The following MYO7A variants were observed in gnomAD, a reference collection of about 807,000 sequenced individuals.
MYO7A encodes the protein myosin VIIA.
In MYO7A, 210 loss-of-function variants were observed where a neutral mutation model predicts 263.8. The observed-to-expected ratio is 0.80, with a 90% confidence interval of 0.71 to 0.89. MYO7A has a LOEUF of 0.89. MYO7A is among the 40% of genes least tolerant of loss of function. The probability of loss-of-function intolerance (pLI) is 0.00; values close to 1 mark genes in which losing one functional copy is unlikely to be tolerated. For synonymous variants in MYO7A, 1,239 were observed against 1,197.3 expected (o/e 1.03, Z -0.72); for missense variants, 2,820 against 2,968.3 (o/e 0.95, Z 1.16).
At chr11:77,184,434 G>C (rs1158790469) in intron 26 of MYO7A, among the ~76,000 whole-genome samples, 154 bp from the exon 27 acceptor site, 1 of 152,222 alleles carries the variant, frequency 6.6e-6, no homozygotes, top group Non-Finnish European at 1.5e-5. Context: ...TGCTGTGCAC[G>C]TGGCAGGGGT....
In MYO7A at chr11:77,202,987, T is replaced by C; in HGVS notation, c.5169-73T>C. On this transcript the variant is annotated intron_variant, in intron 37 of 48. Coordinates refer to ENST00000409709, the MANE Select transcript of MYO7A (RefSeq NM_000260.4). ...ACACAGGGATGGGTGGGGGTGGGGG[T>C]CTCACAACCTGGGGGTTTCTCCCCG... The C allele has an allele frequency of 4.0e-6, 6 of 1,506,430 alleles. No individual in the cohort carries two copies. The South Asian group carries it at 6.2e-5, about 16-fold the overall frequency. 93.3% of individuals were successfully genotyped at this position (1,506,430 alleles called of 1,614,324 possible). A position where few individuals can be genotyped will look rare whatever the true frequency, so the allele number is the denominator to read the frequency against.
At chr11:77,210,346 T>G (rs1957779991) in intron 44 of MYO7A, among the ~76,000 whole-genome samples, 1 of 152,118 alleles carries the variant, frequency 6.6e-6, no homozygotes, top group South Asian at 2.1e-4. Context: ...GGATGAATGC[T>G]GAGTGAATTG....
intron 16 of MYO7A, among the ~76,000 whole-genome samples, chr11:77,173,319 T>C (rs1250097491): frequency 2.6e-5 from 4 of 152,202 alleles, no homozygotes; most frequent in African/African-American, 9.7e-5. Flanking sequence ...CCCCTTCTCC[T>C]TTGGCCCAGC....
intron 45 of MYO7A, 26 bp downstream of exon 45, chr11:77,211,363 T>C (rs1021012139): frequency 1.9e-6 from 3 of 1,559,842 alleles, no homozygotes; most frequent in African/African-American, 2.7e-5. Flanking sequence ...GCATCGGGAA[T>C]GGTGGGGCCC....
rs781790355 is a variant in MYO7A at position 77,166,041 on chromosome 11, G to C, written c.1691-15G>C. 17 of 1,607,558 alleles carry C rather than the reference G, an allele frequency of 1.1e-5. No individual in the cohort carries two copies. The highest frequency in any genetic ancestry group is 1.4e-5 in the Non-Finnish European group (16 of 1,174,834). On this transcript the variant is annotated splice_polypyrimidine_tract_variant and intron_variant, in intron 14 of 48. Transcript: ENST00000409709. ...CCAGAGCTGGTGAGAGGTGACTGCT[G>C]TTTGCTGCTTGCAGGCTTCCTGGAG...
At chr11:77,162,390 T>G (rs1183195060) in intron 13 of MYO7A, 60 bp downstream of exon 13, 1 of 1,485,228 alleles carries the variant, frequency 6.7e-7, no homozygotes, top group African/African-American at 1.4e-5. Flanking sequence ...CCTTCCCTGC[T>G]TTGAGCCCCG....
intron 27 of MYO7A, among the ~76,000 whole-genome samples, chr11:77,187,651 G>A (rs1424395324): frequency 6.6e-6 from 1 of 152,204 alleles, no homozygotes; most frequent in Admixed American, 6.5e-5. Flanking sequence ...GAGTTGAAGG[G>A]AAGACCCAGG....
chr11:77,214,622 G>A lies in MYO7A; in HGVS notation c.6574G>A (p.Asp2192Asn). 1 of 1,583,384 alleles carries A rather than the reference G, an allele frequency of 6.3e-7. No homozygotes were observed. Among genetic ancestry groups the A allele is most frequent in the Non-Finnish European group, 8.6e-7 (1 of 1,164,684 alleles). The change falls in exon 49 of 49, where the codon GAC (aspartate) becomes AAC (asparagine). Residue 2192 changes from aspartate (D) to asparagine (N), a missense_variant. Physicochemically the swap from Asp to Asn is conservative, Grantham distance 23. Coordinates refer to ENST00000409709, the MANE Select transcript of MYO7A (RefSeq NM_000260.4). ...CETSLGYKMD[D>N]LLTSYISQML... is the part of the protein sequence containing the mutation. ...CTGCTTCCAGGGCTACAAGATGGAT[G>A]ACCTCCTGACTTCCTACATTAGCCA...
chr11:77,128,565 C>G (rs1555045231), intron 1 of MYO7A, 76 bp downstream of exon 1: 1 of 152,734 alleles, frequency 6.5e-6, no homozygotes, highest in Admixed American at 6.5e-5. Context: ...TGAGCTACCT[C>G]TAGAGCCTCT....
chr11:77,158,047 C>T (rs1240196146), intron 8 of MYO7A, among the ~76,000 whole-genome samples: 3 of 152,232 alleles, frequency 2.0e-5, no homozygotes, highest in African/African-American at 7.2e-5. Flanking sequence ...GAAGAAGGGG[C>T]ACCAGCACCC....
rs1236207116 is a variant in MYO7A at position 77,202,402 on chromosome 11, G to A, written c.5146G>A (p.Glu1716Lys). ...GCGTGCCAAGCCCTACACGCTGGAG[G>A]AGTTTTCCTATGACTACTTCAGGTG... ...EVRAKPYTLE[E>K]FSYDYFRPPP... is the part of the protein sequence containing the mutation. Residue 1716 changes from glutamate (E) to lysine (K), a missense_variant, in exon 37 of 49, where the codon GAG becomes AAG. Physicochemically the swap from Glu to Lys is moderately conservative, Grantham distance 56 (BLOSUM62 1). Transcript: ENST00000409709. 1 of 1,553,352 alleles carries A rather than the reference G, an allele frequency of 6.4e-7. No individual in the cohort carries two copies. Among genetic ancestry groups the A allele is most frequent in the Non-Finnish European group, 8.7e-7 (1 of 1,148,088 alleles).
intron 1 of MYO7A, among the ~76,000 whole-genome samples, chr11:77,129,954 TGGGCCTAGCGGGGCGGGCCCGGGCCC>T (rs1168170672): frequency 6.6e-6 from 1 of 151,676 alleles, no homozygotes; most frequent in Non-Finnish European, 1.5e-5. Context: ...CAGATTGTGC[TGGGCCTAGCGGGGCGGGCCCGGGCCC>T]GGGCCCAGGC....
chr11:77,140,622 C>T (rs1267732539), intron 2 of MYO7A, among the ~76,000 whole-genome samples: 1 of 152,212 alleles, frequency 6.6e-6, no homozygotes, highest in East Asian at 1.9e-4. Flanking sequence ...TAGGGAGCTC[C>T]AGGCCAGTGG....
intron 14 of MYO7A, among the ~76,000 whole-genome samples, chr11:77,163,604 C>CA: frequency 6.6e-6 from 1 of 152,166 alleles, no homozygotes; most frequent in South Asian, 2.1e-4. Flanking sequence ...AAAAATACGT[C>CA]ATTACCATCT....
chr11:77,181,370 A>G lies in MYO7A; in HGVS notation c.2695-10A>G. On this transcript the variant is annotated splice_polypyrimidine_tract_variant and intron_variant, in intron 22 of 48. Coordinates refer to ENST00000409709, the MANE Select transcript of MYO7A (RefSeq NM_000260.4). ...GACCCCGTGTCTTCTGTGTCACCCC[A>G]ATTGCCCAGGAGCGCCTGGCCCAGC... is the stretch of plus-strand genomic sequence containing the variant. 6.4e-7 allele frequency: 1 copy of G among 1,551,844 alleles called. No individual in the cohort carries two copies. Among genetic ancestry groups the G allele is most frequent in the Non-Finnish European group, 8.7e-7 (1 of 1,149,774 alleles).
chr11:77,190,983 TC>T, intron 30 of MYO7A, 113 bp downstream of exon 30: 2 of 1,207,828 alleles, frequency 1.7e-6, no homozygotes, highest in Non-Finnish European at 2.3e-6. Flanking sequence ...CACCTCGGTT[TC>T]CCCCTGAGCC....
intron 16 of MYO7A, among the ~76,000 whole-genome samples, chr11:77,174,172 A>G (rs1278376664): frequency 6.6e-6 from 1 of 151,362 alleles, no homozygotes; most frequent in African/African-American, 2.4e-5. Flanking sequence ...CCTGCCTTCT[A>G]CTCTTTCTCC....
At chr11:77,169,582 A>G (rs1331228560) in intron 15 of MYO7A, among the ~76,000 whole-genome samples, 11 of 152,184 alleles carry the variant, frequency 7.2e-5, no homozygotes, top group Admixed American at 7.2e-4. Flanking sequence ...TTATCCCAGA[A>G]AACAGCAAAT....
intron 37 of MYO7A, among the ~76,000 whole-genome samples, chr11:77,202,837 C>T (rs1011659678): frequency 3.3e-5 from 5 of 151,892 alleles, no homozygotes; most frequent in Non-Finnish European, 5.9e-5. Flanking sequence ...GGGCACAGCC[C>T]GTGGTGTTCT....
Sources: allele counts gnomAD v4.1 joint callset (sites outside exome capture counted in the v4.1 genomes callset), GRCh38; gene constraint gnomAD v4.1.1; transcripts MANE v1.5; gene names NCBI Gene and HGNC (gene_info 2026-07-23, HGNC 2026-07-21).